IGF2BP2: variants seen among roughly 807,000 people sequenced by gnomAD.
The protein encoded by IGF2BP2 is insulin-like growth factor 2 mRNA-binding protein 2.
Under a neutral mutation model 75.8 loss-of-function variants are expected in IGF2BP2, and 17 were observed. The ratio of observed to expected loss-of-function variants is 0.22; its 90% CI spans 0.15 to 0.34. The LOEUF is 0.34. IGF2BP2 is among the 10% of genes least tolerant of loss of function. The pLI, the probability that IGF2BP2 is intolerant of heterozygous loss-of-function variation, is 1.00. For missense variants in IGF2BP2, 516 were observed against 772.4 expected, an observed-to-expected ratio of 0.67 and a Z score of 3.93; for synonymous variants, 288 against 295.6, an observed-to-expected ratio of 0.97 and a Z score of 0.26.
chr3:185,672,440 C>T (rs1718656987), intron 10 of IGF2BP2, 101 bp downstream of exon 10: 1 of 1,232,630 alleles, frequency 8.1e-7, no homozygotes, highest in South Asian at 1.5e-5. Context: ...CGAGCATGGC[C>T]TTTAAATGAA....
At chr3:185,823,021 G>T in intron 2 of IGF2BP2, 132 bp downstream of exon 2, 1 of 549,522 alleles carries the variant, frequency 1.8e-6, no homozygotes, top group Non-Finnish European at 3.2e-6. Context: ...TCTAAACTAT[G>T]TATCTCCACT....
At chr3:185,766,104 C>A (rs1733010526) in intron 2 of IGF2BP2, among the ~76,000 whole-genome samples, 1 of 152,106 alleles carries the variant, frequency 6.6e-6, no homozygotes, top group Admixed American at 6.5e-5. Context: ...CAAACTCATC[C>A]TTCTCGGGAT....
intron 2 of IGF2BP2, among the ~76,000 whole-genome samples, chr3:185,737,194 A>C (rs1013494915): frequency 1.2e-4 from 18 of 152,228 alleles, no homozygotes; most frequent in African/African-American, 4.1e-4. Context: ...CAAGCTATAC[A>C]TATTAAATTC....
In IGF2BP2 at chr3:185,701,798, A is replaced by G. The variant is rs149077492; in HGVS notation, c.240-3451T>C. Among the ~76,000 whole-genome samples the G allele has an allele frequency of 1.3e-3, 196 of 152,296 alleles. 1 individual carries two copies. The highest frequency in any genetic ancestry group is 4.1e-3 in the African/African-American group (172 of 41,568). ...GCTAAAAAGAGAAATGGAGATCACTACGGTAGAACCAACTAACCTGGAGTT... is the reference window on the plus strand; with the variant it reads ...GCTAAAAAGAGAAATGGAGATCACTGCGGTAGAACCAACTAACCTGGAGTT... On this transcript the variant is annotated intron_variant, in intron 2 of 15. Coordinates refer to ENST00000382199, the MANE Select transcript of IGF2BP2 (RefSeq NM_006548.6).
chr3:185,749,077 T>C (rs1238792737), intron 2 of IGF2BP2, among the ~76,000 whole-genome samples: 1 of 152,104 alleles, frequency 6.6e-6, no homozygotes, highest in Non-Finnish European at 1.5e-5. Context: ...GGCAGGAGAA[T>C]TGCTTGAACC....
chr3:185,749,769 C>CTA (rs1730716880), intron 2 of IGF2BP2, among the ~76,000 whole-genome samples: 1 of 152,176 alleles, frequency 6.6e-6, no homozygotes, highest in South Asian at 2.1e-4. Context: ...TTGAAAGGCA[C>CTA]TATTTCAATT....
intron 2 of IGF2BP2, among the ~76,000 whole-genome samples, chr3:185,771,847 A>G (rs1481422516): frequency 6.6e-6 from 1 of 152,162 alleles, no homozygotes; most frequent in Non-Finnish European, 1.5e-5. Flanking sequence ...TCTGGGGTCT[A>G]TAACAGACCC....
chr3:185,706,790 G>T lies in IGF2BP2; in HGVS notation c.240-8443C>A, dbSNP rs553803265. 4.0e-5 allele frequency among the ~76,000 whole-genome samples: 6 copies of T among 151,180 alleles called. No individual in the cohort carries two copies. The South Asian group carries it at 1.3e-3, about 32-fold the overall frequency. On this transcript the variant is annotated intron_variant, in intron 2 of 15. Coordinates refer to ENST00000382199, the MANE Select transcript of IGF2BP2 (RefSeq NM_006548.6). ...GGTCTCACTCCAGTCACCCAGGCTG[G>T]AGTGCAATGGTGTGATCTTGGCTTA...
intron 2 of IGF2BP2, among the ~76,000 whole-genome samples, chr3:185,762,830 C>T (rs1041650026): frequency 4.6e-5 from 7 of 152,152 alleles, no homozygotes; most frequent in Admixed American, 4.6e-4. Context: ...CTTTAAAGTA[C>T]ATTTAACACA....
chr3:185,672,795 C>T, intron 9 of IGF2BP2, 126 bp from the exon 10 acceptor site: 1 of 1,038,254 alleles, frequency 9.6e-7, no homozygotes, highest in Non-Finnish European at 1.4e-6. Context: ...CAGGCTCTTC[C>T]TACCCTGTAT....
intron 2 of IGF2BP2, among the ~76,000 whole-genome samples, chr3:185,782,839 G>A (rs1440255294): frequency 6.6e-6 from 1 of 152,154 alleles, no homozygotes; most frequent in Admixed American, 6.5e-5. Flanking sequence ...GGTGGAAGTC[G>A]CTGGCTTTCT....
chr3:185,798,980 T>C lies in IGF2BP2; in HGVS notation c.239+24173A>G, dbSNP rs963800689. ...TTTGTAGCAACGGGTTTCACCATGTTGTCCAGGCTGGTCTCGAATTCCTAG... is the reference window on the plus strand; with the variant it reads ...TTTGTAGCAACGGGTTTCACCATGTCGTCCAGGCTGGTCTCGAATTCCTAG... On this transcript the variant is annotated intron_variant, in intron 2 of 15. Coordinates refer to ENST00000382199, the MANE Select transcript of IGF2BP2 (RefSeq NM_006548.6). Among the ~76,000 whole-genome samples the C allele has an allele frequency of 2.2e-4, 33 of 152,026 alleles. No individual in the cohort carries two copies. In the South Asian group the frequency reaches 2.5e-3, roughly 11 times the overall value.
intron 2 of IGF2BP2, among the ~76,000 whole-genome samples, chr3:185,738,476 G>A (rs1338512884): frequency 2.6e-5 from 4 of 152,200 alleles, no homozygotes; most frequent in Non-Finnish European, 5.9e-5. Flanking sequence ...CTTCAGGGAG[G>A]TGGCAATATC....
At chr3:185,797,010 G>A (rs1479082384) in intron 2 of IGF2BP2, among the ~76,000 whole-genome samples, 1 of 152,046 alleles carries the variant, frequency 6.6e-6, no homozygotes, top group Non-Finnish European at 1.5e-5. Flanking sequence ...GGCCTCCCAG[G>A]AAGATCTGCA....
intron 10 of IGF2BP2, among the ~76,000 whole-genome samples, chr3:185,668,018 G>A (rs1345590749): frequency 6.6e-6 from 1 of 152,210 alleles, no homozygotes; most frequent in Non-Finnish European, 1.5e-5. Context: ...TATGCACTGG[G>A]AAACAGAAAA....
chr3:185,789,509 C>A (rs909015145), intron 2 of IGF2BP2, among the ~76,000 whole-genome samples: 1 of 152,078 alleles, frequency 6.6e-6, no homozygotes, highest in Non-Finnish European at 1.5e-5. Flanking sequence ...AGGAAGCCCA[C>A]CAGCAGCAAG....
intron 2 of IGF2BP2, among the ~76,000 whole-genome samples, chr3:185,755,571 G>GC (rs1731512436): frequency 6.6e-6 from 1 of 152,212 alleles, no homozygotes; most frequent in African/African-American, 2.4e-5. Flanking sequence ...ACCTAAGAGA[G>GC]CAGCCATGTG....
chr3:185,706,364 T>A (rs1224060060), intron 2 of IGF2BP2, among the ~76,000 whole-genome samples: 3 of 152,232 alleles, frequency 2.0e-5, no homozygotes, highest in African/African-American at 7.2e-5. Flanking sequence ...ACTGTGCCAC[T>A]GCACTCAAGC....
At chr3:185,775,966 T>C (rs1734484226) in intron 2 of IGF2BP2, among the ~76,000 whole-genome samples, 1 of 152,118 alleles carries the variant, frequency 6.6e-6, no homozygotes. Flanking sequence ...AATAGGCAAA[T>C]GGCAAGGTGG....
Sources: gnomAD v4.1 joint callset for allele counts (sites outside exome capture counted in the v4.1 genomes callset) on GRCh38, gnomAD v4.1.1 for gene constraint, MANE v1.5 for transcripts, NCBI Gene and HGNC (gene_info 2026-07-23, HGNC 2026-07-21) for gene names.